GRAP: variants seen among roughly 807,000 people sequenced by gnomAD.
GRAP encodes GRB2-related adapter protein.
A neutral mutation model predicts 9.1 loss-of-function variants in GRAP; 2 were observed. That is an observed-to-expected ratio of 0.22 (90% CI 0.09 to 0.69). GRAP has a LOEUF of 0.69. Among genes scored for constraint, GRAP ranks in the 30% least tolerant of loss-of-function variants. The probability of loss-of-function intolerance (pLI) is 0.81; values close to 1 mark genes in which losing one functional copy is unlikely to be tolerated. For missense variants in GRAP, 113 were observed against 179.4 expected, an observed-to-expected ratio of 0.63 and a Z score of 2.12; for synonymous variants, 68 against 73.6, an observed-to-expected ratio of 0.92 and a Z score of 0.39.
At chr17:19,022,874 T>C (rs577668715) in intron 4 of GRAP, among the ~76,000 whole-genome samples, 24 of 152,070 alleles carry the variant, frequency 1.6e-4, no homozygotes, top group Non-Finnish European at 3.1e-4. Context: ...AGAGAAGCTG[T>C]AATTAGCAGC....
intron 4 of GRAP, among the ~76,000 whole-genome samples, chr17:19,023,448 G>C (rs1567819674): frequency 6.6e-6 from 1 of 152,130 alleles, no homozygotes; most frequent in Non-Finnish European, 1.5e-5. Context: ...CCAGGGTCTT[G>C]ACCTCCAGCC....
intron 3 of GRAP, among the ~76,000 whole-genome samples, chr17:19,025,671 G>A (rs1445323833): frequency 2.3e-5 from 3 of 129,684 alleles, no homozygotes; most frequent in Admixed American, 8.3e-5. Flanking sequence ...AGAGTGCAAT[G>A]GCGCTATCTC....
chr17:19,024,432 G>A lies in GRAP; in HGVS notation c.300-49C>T. On this transcript the variant is annotated intron_variant, in intron 3 of 4. Coordinates refer to ENST00000284154, the MANE Select transcript of GRAP (RefSeq NM_006613.4). This position sits in a 1 kb window ranked among gnomAD's most constrained non-coding sequence, Gnocchi z 4.2. ...CCTCAGGTGGTGGCCGTCCCAGCCTGGCATGGTCCCAGGGGCTCCCGTCTC... is the reference window on the plus strand; with the variant it reads ...CCTCAGGTGGTGGCCGTCCCAGCCTAGCATGGTCCCAGGGGCTCCCGTCTC... 1 of 1,587,054 alleles carries A rather than the reference G, an allele frequency of 6.3e-7. No individual in the cohort carries two copies. Among genetic ancestry groups the A allele is most frequent in the Non-Finnish European group, 8.6e-7 (1 of 1,165,436 alleles).
Position 19,024,221 on chromosome 17 carries a change from C to T in GRAP, c.462G>A (p.Leu154=), listed in dbSNP as rs754719809. The T allele has an allele frequency of 2.0e-5, 31 of 1,585,954 alleles. No homozygotes were observed. The African/African-American group carries it at 4.0e-4, about 21-fold the overall frequency. ...AGCCCCCACCCGCCCCTACCTTGAG[C>T]AAGGGCTCCTCGTCGCGCAGGAAGA... ...RQIFLRDEEP[L]LKSPGACFAQ... The change falls in exon 4 of 5, where the codon TTG becomes TTA. Residue 154 remains leucine (L), a synonymous_variant. Coordinates refer to ENST00000284154, the MANE Select transcript of GRAP (RefSeq NM_006613.4). The surrounding 1 kb of genome is among the most constrained non-coding windows in gnomAD (Gnocchi z 4.2).
chr17:19,022,535 A>C, intron 4 of GRAP: 1 of 194,882 alleles, frequency 5.1e-6, no homozygotes, highest in Non-Finnish European at 1.0e-5. Flanking sequence ...AGCCATGAGA[A>C]TGGGCCTTAT....
In GRAP at chr17:19,020,710, C is replaced by A; in HGVS notation, c.*1249G>T. On this transcript the variant is annotated 3_prime_UTR_variant, in exon 5 of 5. Transcript: ENST00000284154. ...ATCCTGATGTTGGTTTTACTGTTTT[C>A]GTTTTGAATACACAGGCTGGGTCAG... The A allele has an allele frequency of 2.1e-6, 1 of 472,716 alleles. No homozygotes were observed. Among genetic ancestry groups the A allele is most frequent in the Non-Finnish European group, 3.9e-6 (1 of 257,590 alleles). 29.3% of individuals were successfully genotyped at this position (472,716 alleles called of 1,614,324 possible).
chr17:19,025,056 C>CGAT, intron 3 of GRAP, among the ~76,000 whole-genome samples: 1 of 152,166 alleles, frequency 6.6e-6, no homozygotes, highest in Admixed American at 6.5e-5. Flanking sequence ...ATATCCTCTC[C>CGAT]GATGAAGCAA....
intron 4 of GRAP, among the ~76,000 whole-genome samples, chr17:19,022,968 C>T (rs1185593274): frequency 6.6e-6 from 1 of 152,220 alleles, no homozygotes; most frequent in Non-Finnish European, 1.5e-5. Context: ...GGTGACCCCA[C>T]GGCCCGGGCC....
At chr17:19,048,521 A>G (rs1488393833), upstream of GRAP, among the ~76,000 whole-genome samples, 1 of 101,742 alleles carries the variant, frequency 9.8e-6, no homozygotes, top group Non-Finnish European at 1.6e-5. Flanking sequence ...TTACTATTAC[A>G]TTTATTTTGA....
rs1391489622 is a variant in GRAP, at chr17:19,022,036, G to T, written c.577C>A (p.Pro193Thr). The T allele has an allele frequency of 6.3e-7, 1 of 1,599,738 alleles. No individual in the cohort carries two copies. Among genetic ancestry groups the T allele is most frequent in the East Asian group, 2.3e-5 (1 of 43,928 alleles). Residue 193 changes from proline (P) to threonine (T), a missense_variant, in exon 5 of 5, where the codon CCC becomes ACC. By Grantham distance (38) the Pro-to-Thr change is conservative. Transcript: ENST00000284154. ...DIIEVLERPD[P>T]HWWRGRSCGR... ...CAGGACCGGCCCCGCCACCAGTGGGGGTCTGGGCGCTCCAGGACCTCAATG... is the reference window on the plus strand; with the variant it reads ...CAGGACCGGCCCCGCCACCAGTGGGTGTCTGGGCGCTCCAGGACCTCAATG...
chr17:19,023,639 C>T (rs940975623), intron 4 of GRAP, among the ~76,000 whole-genome samples: 1 of 115,044 alleles, frequency 8.7e-6, no homozygotes. Context: ...CGACCCCCCA[C>T]CCCCCACCCC....
chr17:19,025,380 G>T (rs1175550130), intron 3 of GRAP, among the ~76,000 whole-genome samples: 1 of 148,036 alleles, frequency 6.8e-6, no homozygotes, highest in African/African-American at 2.5e-5. Context: ...TTTTAGTAGA[G>T]ACGGGGTTTC....
rs769570810 is a variant in GRAP at position 19,022,003 on chromosome 17, C to A, written c.610G>T (p.Val204Phe). 7 of 1,591,426 alleles carry A rather than the reference C, an allele frequency of 4.4e-6. No individual in the cohort carries two copies. Among genetic ancestry groups the A allele is most frequent in the Non-Finnish European group, 6.0e-6 (7 of 1,170,486 alleles). ...ACGTAACTCCGTGGGAAGAAGCCAA[C>A]GCGCCCGCAGGACCGGCCCCGCCAC... The part of the protein sequence containing the change: ...HWWRGRSCGR[V>F]GFFPRSYVQP... The change falls in exon 5 of 5, where the codon GTT (valine) becomes TTT (phenylalanine). Residue 204 changes from valine to phenylalanine, a missense_variant. This residue lies in a region of GRAP where 113 missense variants were observed against 163.3 expected (regional missense o/e 0.69). Transcript: ENST00000284154.
chr17:19,023,363 T>G (rs886899489), intron 4 of GRAP, among the ~76,000 whole-genome samples: 2 of 152,144 alleles, frequency 1.3e-5, no homozygotes, highest in Non-Finnish European at 1.5e-5. Flanking sequence ...GGAGCTTCTC[T>G]TCAGCGGTTA....
rs536048324 is a variant in GRAP, at chr17:19,025,444, G to A, written c.300-1061C>T. Among the ~76,000 whole-genome samples, 173 of 141,396 alleles carry A rather than the reference G, an allele frequency of 1.2e-3. 1 individual carries two copies. Among genetic ancestry groups the A allele is most frequent in the African/African-American group, 4.4e-3 (166 of 38,020 alleles). The allele number at this position is 141,396 out of a possible 152,430, so 92.8% of individuals were successfully genotyped here. ...CCTGACCTTGTGATCCACCCTCCTCGGCCTCCCAAAGTGCTGGGATTATAG... is the reference window on the plus strand; with the variant it reads ...CCTGACCTTGTGATCCACCCTCCTCAGCCTCCCAAAGTGCTGGGATTATAG... On this transcript the variant is annotated intron_variant, in intron 3 of 4. Coordinates refer to ENST00000284154, the MANE Select transcript of GRAP (RefSeq NM_006613.4).
At chr17:19,025,178 T>C (rs1321113351) in intron 3 of GRAP, among the ~76,000 whole-genome samples, 1 of 149,286 alleles carries the variant, frequency 6.7e-6, no homozygotes, top group Admixed American at 6.8e-5. Flanking sequence ...CTGCTCTTTC[T>C]TTTTTCTTTT....
chr17:19,023,379 C>T (rs1428275086), intron 4 of GRAP, among the ~76,000 whole-genome samples: 2 of 152,104 alleles, frequency 1.3e-5, no homozygotes, highest in African/African-American at 4.8e-5. Context: ...GGTTATCAGC[C>T]TCTCCCCAGG....
chr17:19,032,319 AC>A (rs1245007057), intron 3 of GRAP: 6 of 133,666 alleles, frequency 4.5e-5, no homozygotes, highest in African/African-American at 1.5e-4. Flanking sequence ...GAATGTATCC[AC>A]TGTCATTGAA....
At chr17:19,048,116 C>T (rs963381292), upstream of GRAP, among the ~76,000 whole-genome samples, 2 of 102,918 alleles carry the variant, frequency 1.9e-5, no homozygotes, top group African/African-American at 3.4e-5. Flanking sequence ...CCTGAGATTG[C>T]GCCATTGCAC....
Sources: gnomAD v4.1 joint callset for allele counts (sites outside exome capture counted in the v4.1 genomes callset) on GRCh38, gnomAD v4.1.1 for gene constraint, gnomAD v4.1.1 regional missense constraint, Gnocchi (gnomAD v3.1) non-coding constraint, MANE v1.5 for transcripts, NCBI Gene and HGNC (gene_info 2026-07-23, HGNC 2026-07-21) for gene names.